Variants in NRM observed in about 807,000 individuals in gnomAD.
NRM encodes the protein nuclear rim protein.
Under a neutral mutation model 23.4 loss-of-function variants are expected in NRM, and 19 were observed. That is an observed-to-expected ratio of 0.81 (90% CI 0.57 to 1.19). NRM has a LOEUF of 1.19. Ranked by LOEUF, NRM falls within the 50% of genes most tolerant of loss-of-function variation. The pLI is 0.00. For missense variants in NRM, 232 were observed against 329.7 expected (o/e 0.70, Z 2.30); for synonymous variants, 140 against 143.5 (o/e 0.98, Z 0.17).
upstream of NRM, chr6:30,691,020 G>T: frequency 2.6e-6 from 4 of 1,549,610 alleles, no homozygotes; most frequent in South Asian, 4.7e-5. Context: ...CGGGATTCCC[G>T]CTGCCACAGG....
Position 30,689,350 on chromosome 6 carries a change from G to T in NRM, c.433C>A (p.His145Asn). 6.4e-7 allele frequency: 1 copy of T among 1,557,926 alleles called. No individual in the cohort carries two copies. The highest frequency in any genetic ancestry group is 8.7e-7 in the Non-Finnish European group (1 of 1,150,408). ...AAGATGAGGAGCCAGGAGATGACAT[G>T]GAGCACAAAGCAGAGGAGCGGCACC... ...TWVPLLCFVL[H>N]VISWLLIFSI... The change falls in exon 3 of 4, where the codon CAT (histidine) becomes AAT (asparagine). Residue 145 changes from histidine (H) to asparagine (N), a missense_variant. By Grantham distance (68) the His-to-Asn change is moderately conservative. Transcript: ENST00000376421. The surrounding 1 kb of genome is among the most constrained non-coding windows in gnomAD (Gnocchi z 4.7).
Position 30,689,552 on chromosome 6 carries a change from T to C in NRM, c.331-100A>G. On this transcript the variant is annotated intron_variant, in intron 2 of 3. Coordinates refer to ENST00000376421, the MANE Select transcript of NRM (RefSeq NM_001384369.1). The surrounding 1 kb of genome is among the most constrained non-coding windows in gnomAD (Gnocchi z 4.7). Reference sequence around the variant, plus strand: ...CCCCCACCACAGGCTAGCCTGCAACTCTCCCCCACCTCTCTCCTAAGCATC... The same window carrying C: ...CCCCCACCACAGGCTAGCCTGCAACCCTCCCCCACCTCTCTCCTAAGCATC... 4 of 1,185,150 alleles carry C rather than the reference T, an allele frequency of 3.4e-6. No homozygotes were observed. The highest frequency in any genetic ancestry group is 4.7e-6 in the Non-Finnish European group (4 of 859,276). 73.4% of individuals were successfully genotyped at this position (1,185,150 alleles called of 1,614,324 possible).
At position 30,688,644 on chromosome 6, in the gene NRM, T is replaced by C. The variant is rs767642415; in HGVS notation, c.*17A>G. The C allele has an allele frequency of 2.0e-5, 32 of 1,610,142 alleles. No individual in the cohort carries two copies. Among genetic ancestry groups the C allele is most frequent in the Non-Finnish European group, 2.4e-5 (28 of 1,177,762 alleles). ...AGTGGGAGAGGAAGAACAGGGCTTGTAACCAGAGTGAGCTCCTCACTCTGC... is the reference window on the plus strand; with the variant it reads ...AGTGGGAGAGGAAGAACAGGGCTTGCAACCAGAGTGAGCTCCTCACTCTGC... On this transcript the variant is annotated 3_prime_UTR_variant, in exon 4 of 4. Coordinates refer to ENST00000376421, the MANE Select transcript of NRM (RefSeq NM_001384369.1). The surrounding 1 kb of genome is among the most constrained non-coding windows in gnomAD (Gnocchi z 5.9).
chr6:30,688,541 G>C lies in NRM; in HGVS notation c.*120C>G. Reference sequence around the variant, plus strand: ...GAGAATAAAGTCTCAAGTAGTAGAAGGGGCATCTCCTTCAGTCCATGGATT... The same window carrying C: ...GAGAATAAAGTCTCAAGTAGTAGAACGGGCATCTCCTTCAGTCCATGGATT... On this transcript the variant is annotated 3_prime_UTR_variant, in exon 4 of 4. Transcript: ENST00000376421. The surrounding 1 kb of genome is among the most constrained non-coding windows in gnomAD (Gnocchi z 5.9). 1.8e-6 allele frequency: 2 copies of C among 1,121,392 alleles called. No homozygotes were observed. Among genetic ancestry groups the C allele is most frequent in the Non-Finnish European group, 2.6e-6 (2 of 777,054 alleles). 69.5% of individuals were successfully genotyped at this position (1,121,392 alleles called of 1,614,324 possible).
chr6:30,690,018 T>TTCATACCTGCAAGGCCAGGGCC lies in NRM; in HGVS notation c.330+7_330+28dup. The TTCATACCTGCAAGGCCAGGGCC allele has an allele frequency of 1.3e-6, 2 of 1,583,950 alleles. No individual in the cohort carries two copies. Among genetic ancestry groups the TTCATACCTGCAAGGCCAGGGCC allele is most frequent in the South Asian group, 2.3e-5 (2 of 86,024 alleles). On this transcript the variant is annotated intron_variant, in intron 2 of 3. Coordinates refer to ENST00000376421, the MANE Select transcript of NRM (RefSeq NM_001384369.1). This position sits in a 1 kb window ranked among gnomAD's most constrained non-coding sequence, Gnocchi z 5.5. ...CCCTTGGGGACTCAACTGCCAGGAT[T>TTCATACCTGCAAGGCCAGGGCC]TCATACCTGCAAGGCCAGGGCCTCA...
At position 30,690,375 on chromosome 6, in the gene NRM, G is replaced by C; in HGVS notation, c.134-132C>G. 9.5e-7 allele frequency: 1 copy of C among 1,054,774 alleles called. No homozygotes were observed. Among genetic ancestry groups the C allele is most frequent in the Non-Finnish European group, 1.3e-6 (1 of 743,052 alleles). 65.3% of individuals were successfully genotyped at this position (1,054,774 alleles called of 1,614,324 possible). Reference sequence around the variant, plus strand: ...CAAGAGCCTTAATGCTTCCTCTCTAGGCTGTGCCCATCTCACTTTTCCATC... The same window carrying C: ...CAAGAGCCTTAATGCTTCCTCTCTACGCTGTGCCCATCTCACTTTTCCATC... On this transcript the variant is annotated intron_variant, in intron 1 of 3. Transcript: ENST00000376421. The surrounding 1 kb of genome is among the most constrained non-coding windows in gnomAD (Gnocchi z 5.5).
At position 30,690,074 on chromosome 6, in the gene NRM, A is replaced by G; in HGVS notation, c.303T>C (p.Tyr101=). Residue 101 remains tyrosine, a synonymous_variant, in exon 2 of 4, where the codon TAT becomes TAC. Transcript: ENST00000376421. The surrounding 1 kb of genome is among the most constrained non-coding windows in gnomAD (Gnocchi z 5.5). Reference sequence around the variant, plus strand: ...GCAAGGCCAGGGCAGTGCAGGCCACATACAGTGACCTCTGAAGGACCCCAA... The same window carrying G: ...GCAAGGCCAGGGCAGTGCAGGCCACGTACAGTGACCTCTGAAGGACCCCAA... ...RYFGVLQRSL[Y]VACTALALQL... 1 of 1,612,430 alleles carries G rather than the reference A, an allele frequency of 6.2e-7. No individual in the cohort carries two copies. The highest frequency in any genetic ancestry group is 8.5e-7 in the Non-Finnish European group (1 of 1,179,814).
At position 30,690,373 on chromosome 6, in the gene NRM, T is replaced by A; in HGVS notation, c.134-130A>T. The A allele has an allele frequency of 9.5e-7, 1 of 1,052,358 alleles. No individual in the cohort carries two copies. The highest frequency in any genetic ancestry group is 1.4e-6 in the Non-Finnish European group (1 of 740,578). The allele number at this position is 1,052,358 out of a possible 1,614,324, so 65.2% of individuals were successfully genotyped here. On this transcript the variant is annotated intron_variant, in intron 1 of 3. Coordinates refer to ENST00000376421, the MANE Select transcript of NRM (RefSeq NM_001384369.1). This position sits in a 1 kb window ranked among gnomAD's most constrained non-coding sequence, Gnocchi z 5.5. ...TTCAAGAGCCTTAATGCTTCCTCTC[T>A]AGGCTGTGCCCATCTCACTTTTCCA...
Position 30,689,957 on chromosome 6 carries a change from C to T in NRM, c.330+90G>A. 2 of 1,370,114 alleles carry T rather than the reference C, an allele frequency of 1.5e-6. No homozygotes were observed. The highest frequency in any genetic ancestry group is 1.5e-5 in the African/African-American group (1 of 66,784). 84.9% of individuals were successfully genotyped at this position (1,370,114 alleles called of 1,614,324 possible). On this transcript the variant is annotated intron_variant, in intron 2 of 3. Coordinates refer to ENST00000376421, the MANE Select transcript of NRM (RefSeq NM_001384369.1). This position sits in a 1 kb window ranked among gnomAD's most constrained non-coding sequence, Gnocchi z 4.7. The stretch of plus-strand genomic sequence containing the variant: ...TTCTCCTCCTGAACCCATATTTTGC[C>T]CCTCCAATCCACGGCACCCCTCCCA...
At position 30,688,808 on chromosome 6, in the gene NRM, GC is replaced by G; in HGVS notation, c.641del (p.Gly214AlafsTer94). 6.2e-7 allele frequency: 1 copy of G among 1,613,926 alleles called. No homozygotes were observed. The highest frequency in any genetic ancestry group is 8.5e-7 in the Non-Finnish European group (1 of 1,180,006). On this transcript the variant is annotated frameshift_variant, in exon 4 of 4. Transcript: ENST00000376421. LOFTEE classifies it high-confidence loss of function. This position sits in a 1 kb window ranked among gnomAD's most constrained non-coding sequence, Gnocchi z 5.9. The part of the protein sequence containing the change: ...LTVLWVVPTL[G>X]TDRLLLAFLL... ...GGAAAGCAAGGAGGAGACGGTCCGTGCCCAGGGTAGGCACCACCCACAGCAC... is the reference window on the plus strand; with the variant it reads ...GGAAAGCAAGGAGGAGACGGTCCGTGCCAGGGTAGGCACCACCCACAGCAC...
chr6:30,688,898 CTT>C lies in NRM; in HGVS notation c.550_551del (p.Lys184ValfsTer51). The C allele has an allele frequency of 6.2e-7, 1 of 1,613,712 alleles. No individual in the cohort carries two copies. On this transcript the variant is annotated frameshift_variant, in exon 4 of 4. Coordinates refer to ENST00000376421, the MANE Select transcript of NRM (RefSeq NM_001384369.1). LOFTEE classifies it high-confidence loss of function. This position sits in a 1 kb window ranked among gnomAD's most constrained non-coding sequence, Gnocchi z 5.9. ...VLGLGEPLAL[K>X]SPRALRLFSH... ...AGAAGAGTCTGAGAGCCCGGGGAGA[CTT>C]CAGGGCCAGAGGCTCGCCCAGCCCC...
chr6:30,688,594 C>T lies in NRM; in HGVS notation c.*67G>A. 6.4e-7 allele frequency: 1 copy of T among 1,555,800 alleles called. No homozygotes were observed. Among genetic ancestry groups the T allele is most frequent in the Non-Finnish European group, 8.7e-7 (1 of 1,145,282 alleles). ...GGCCTCTGGCATGAAGCAGCCAGGG[C>T]CTGGATGTTAAGGATTTAGAATTCA... On this transcript the variant is annotated 3_prime_UTR_variant, in exon 4 of 4. Coordinates refer to ENST00000376421, the MANE Select transcript of NRM (RefSeq NM_001384369.1). This position sits in a 1 kb window ranked among gnomAD's most constrained non-coding sequence, Gnocchi z 5.9.
At position 30,689,396 on chromosome 6, in the gene NRM, C is replaced by T. The variant is rs1166698991; in HGVS notation, c.387G>A (p.Arg129=). The T allele has an allele frequency of 2.9e-5, 46 of 1,569,054 alleles. No homozygotes were observed. Among genetic ancestry groups the T allele is most frequent in the Non-Finnish European group, 3.6e-5 (42 of 1,157,196 alleles). ...IPKGPVLWEA[R]AEPWATWVPL... ...GCACCCAGGTGGCCCATGGCTCAGCCCGAGCCTCCCACAACACAGGGCCTT... is the reference window on the plus strand; with the variant it reads ...GCACCCAGGTGGCCCATGGCTCAGCTCGAGCCTCCCACAACACAGGGCCTT... The change falls in exon 3 of 4, where the codon CGG becomes CGA. Residue 129 remains arginine (R), a synonymous_variant. Transcript: ENST00000376421. This position sits in a 1 kb window ranked among gnomAD's most constrained non-coding sequence, Gnocchi z 4.7.
Position 30,688,589 on chromosome 6 carries a change from C to A in NRM, c.*72G>T, listed in dbSNP as rs144542012. On this transcript the variant is annotated 3_prime_UTR_variant, in exon 4 of 4. Coordinates refer to ENST00000376421, the MANE Select transcript of NRM (RefSeq NM_001384369.1). The surrounding 1 kb of genome is among the most constrained non-coding windows in gnomAD (Gnocchi z 5.9). The stretch of plus-strand genomic sequence containing the variant: ...ATTTGGGCCTCTGGCATGAAGCAGC[C>A]AGGGCCTGGATGTTAAGGATTTAGA... The A allele has an allele frequency of 6.0e-4, 923 of 1,542,798 alleles. 10 individuals are homozygous for A. In the East Asian group the frequency reaches 0.019, roughly 32 times the overall value.
In NRM at chr6:30,688,806, G is replaced by A. The variant is rs768421288; in HGVS notation, c.644C>T (p.Thr215Met). ...GAGGAAAGCAAGGAGGAGACGGTCC[G>A]TGCCCAGGGTAGGCACCACCCACAG... ...TVLWVVPTLGTDRLLLAFLLT... is the reference protein window; with the variant it reads ...TVLWVVPTLGMDRLLLAFLLT... Residue 215 changes from threonine to methionine, a missense_variant, in exon 4 of 4, where the codon ACG (threonine) becomes ATG (methionine). Transcript: ENST00000376421. The surrounding 1 kb of genome is among the most constrained non-coding windows in gnomAD (Gnocchi z 5.9). 3.7e-6 allele frequency: 6 copies of A among 1,613,674 alleles called. No homozygotes were observed. Among genetic ancestry groups the A allele is most frequent in the African/African-American group, 2.7e-5 (2 of 74,768 alleles).
rs767224273 is a variant in NRM, at chr6:30,688,992, T to G, written c.508-50A>C. 3.2e-6 allele frequency: 5 copies of G among 1,560,038 alleles called. No individual in the cohort carries two copies. In the Admixed American group the frequency reaches 9.3e-5, roughly 29 times the overall value. On this transcript the variant is annotated intron_variant, in intron 3 of 3. Coordinates refer to ENST00000376421, the MANE Select transcript of NRM (RefSeq NM_001384369.1). The surrounding 1 kb of genome is among the most constrained non-coding windows in gnomAD (Gnocchi z 5.9). Reference sequence around the variant, plus strand: ...AATGGAGTCAAGCCCTTTTCTCATCTTGGGCACTTCTTTCCTCCTCTTCCA... The same window carrying G: ...AATGGAGTCAAGCCCTTTTCTCATCGTGGGCACTTCTTTCCTCCTCTTCCA...
chr6:30,688,360 C>G lies in NRM; in HGVS notation c.*301G>C, dbSNP rs1410992007. 6.1e-6 allele frequency: 3 copies of G among 494,490 alleles called. No homozygotes were observed. The highest frequency in any genetic ancestry group is 5.8e-5 in the African/African-American group (3 of 52,070). 30.6% of individuals were successfully genotyped at this position (494,490 alleles called of 1,614,324 possible). A position where few individuals can be genotyped will look rare whatever the true frequency, so the allele number is the denominator to read the frequency against. Reference sequence around the variant, plus strand: ...TGCCAGGGGAGTGGTCAGGGCAGATCCTTTCCTTCTCAGGAGGCTGTTGAG... The same window carrying G: ...TGCCAGGGGAGTGGTCAGGGCAGATGCTTTCCTTCTCAGGAGGCTGTTGAG... On this transcript the variant is annotated 3_prime_UTR_variant, in exon 4 of 4. Transcript: ENST00000376421. The surrounding 1 kb of genome is among the most constrained non-coding windows in gnomAD (Gnocchi z 5.9).
In NRM at chr6:30,688,722, C is replaced by T. The variant is rs762352891; in HGVS notation, c.728G>A (p.Arg243Gln). The change falls in exon 4 of 4, where the codon CGG (arginine) becomes CAG (glutamine). Residue 243 changes from arginine to glutamine, a missense_variant. Physicochemically the swap from Arg to Gln is conservative, Grantham distance 43 (BLOSUM62 1). Coordinates refer to ENST00000376421, the MANE Select transcript of NRM (RefSeq NM_001384369.1). The surrounding 1 kb of genome is among the most constrained non-coding windows in gnomAD (Gnocchi z 5.9). ...GLDQQDLRYL[R>Q]AQLQRKLHLL... ...GTGGAGTTTTCTTTGTAGCTGGGCC[C>T]GGAGGTAGCGGAGGTCTTGCTGATC... The T allele has an allele frequency of 1.9e-5, 30 of 1,613,764 alleles. No individual in the cohort carries two copies. Among genetic ancestry groups the T allele is most frequent in the Admixed American group, 1.0e-4 (6 of 59,970 alleles).
Position 30,689,130 on chromosome 6 carries a change from G to T in NRM, c.507+146C>A. The T allele has an allele frequency of 9.4e-7, 1 of 1,065,316 alleles. No individual in the cohort carries two copies. The highest frequency in any genetic ancestry group is 1.3e-6 in the Non-Finnish European group (1 of 754,914). The allele number at this position is 1,065,316 out of a possible 1,614,324, so 66.0% of individuals were successfully genotyped here. ...CAGGCCCAGGAGGCCCATGCTTGCT[G>T]CCCTTACGAGGGAAAGTCAAAGGGA... On this transcript the variant is annotated intron_variant, in intron 3 of 3. Coordinates refer to ENST00000376421, the MANE Select transcript of NRM (RefSeq NM_001384369.1). The surrounding 1 kb of genome is among the most constrained non-coding windows in gnomAD (Gnocchi z 4.7).
Sources: allele counts gnomAD v4.1 joint callset, GRCh38; gene constraint gnomAD v4.1.1; non-coding constraint Gnocchi (gnomAD v3.1); transcripts MANE v1.5; gene names NCBI Gene and HGNC (gene_info 2026-07-23, HGNC 2026-07-21).